The following THAP12 variants were observed in gnomAD, a reference collection of about 807,000 sequenced individuals.
THAP12 encodes THAP domain containing 12.
THAP12 carries 20 observed loss-of-function variants against 63.0 expected under a neutral mutation model. The ratio of observed to expected loss-of-function variants is 0.32; its 90% CI spans 0.22 to 0.46. The LOEUF (loss-of-function observed/expected upper bound fraction) is 0.46, where lower values mean the gene tolerates loss of function less well. THAP12 is among the 20% of genes least tolerant of loss of function. THAP12 has a pLI of 1.00. For missense variants in THAP12, 568 were observed against 908.2 expected (o/e 0.63, Z 4.81); for synonymous variants, 264 against 328.4 (o/e 0.80, Z 2.12).
chr11:76,354,958 A>G (rs959231488), intron 4 of THAP12, among the ~76,000 whole-genome samples: 13 of 152,236 alleles, frequency 8.5e-5, no homozygotes, highest in Non-Finnish European at 1.5e-5. Context: ...GGGAAATAAC[A>G]GTACTTATCT....
At position 76,351,034 on chromosome 11, in the gene THAP12, C is replaced by T; in HGVS notation, c.2116G>A (p.Ala706Thr). ...RYENGRKRLK[A>T]YLRNTLTDQR... ...TCTGTCAAAGTGTTCCTCAAATATG[C>T]TTTAAGACGCTTTCGTCCATTTTCA... The change falls in exon 5 of 5, where the codon GCA (alanine) becomes ACA (threonine). Residue 706 changes from alanine (A) to threonine (T), a missense_variant. Coordinates refer to ENST00000260045, the MANE Select transcript of THAP12 (RefSeq NM_004705.4). The T allele has an allele frequency of 6.2e-7, 1 of 1,611,988 alleles. No individual in the cohort carries two copies. The highest frequency in any genetic ancestry group is 8.5e-7 in the Non-Finnish European group (1 of 1,179,818).
In THAP12 at chr11:76,352,345, C is replaced by T. The variant is rs1325164130; in HGVS notation, c.805G>A (p.Asp269Asn). The change falls in exon 5 of 5, where the codon GAC becomes AAC. Residue 269 changes from aspartate to asparagine, a missense_variant. Asp to Asn is a conservative substitution (Grantham distance 23, BLOSUM62 1). Coordinates refer to ENST00000260045, the MANE Select transcript of THAP12 (RefSeq NM_004705.4). Reference sequence around the variant, plus strand: ...GGTAGGTGCTCTTCCCCTGCTATGTCCACTACATCGTCAGTGATAATGGAA... The same window carrying T: ...GGTAGGTGCTCTTCCCCTGCTATGTTCACTACATCGTCAGTGATAATGGAA... ...FFSIITDDVV[D>N]IAGEEHLPVL... is the part of the protein sequence containing the mutation. The T allele has an allele frequency of 7.4e-6, 12 of 1,611,970 alleles. No homozygotes were observed. Among genetic ancestry groups the T allele is most frequent in the Non-Finnish European group, 1.0e-5 (12 of 1,179,822 alleles).
chr11:76,360,933 A>G, intron 3 of THAP12, 23 bp downstream of exon 3: 1 of 1,488,808 alleles, frequency 6.7e-7, no homozygotes, highest in Non-Finnish European at 9.3e-7. Flanking sequence ...GAAGGTGGGA[A>G]AGCTGAAAGT....
chr11:76,380,341 G>A (rs777116710), intron 1 of THAP12, among the ~76,000 whole-genome samples: 8 of 152,154 alleles, frequency 5.3e-5, no homozygotes, highest in Non-Finnish European at 1.2e-4. Context: ...GCAAGGAGAG[G>A]GAAAGGCCCC....
At position 76,352,508 on chromosome 11, in the gene THAP12, C is replaced by G. The variant is rs1330971386; in HGVS notation, c.642G>C (p.Glu214Asp). ...LLECRINSGE[E>D]VLRKRFETTA... ...TTGTCTCAAACCGCTTTCTCAGAACCTCTTCACCAGAATTTATCCGACACT... is the reference window on the plus strand; with the variant it reads ...TTGTCTCAAACCGCTTTCTCAGAACGTCTTCACCAGAATTTATCCGACACT... The change falls in exon 5 of 5, where the codon GAG becomes GAC. Residue 214 changes from glutamate to aspartate, a missense_variant. Glu to Asp is a conservative substitution (Grantham distance 45). Transcript: ENST00000260045. The G allele has an allele frequency of 1.2e-6, 2 of 1,612,026 alleles. No homozygotes were observed. The highest frequency in any genetic ancestry group is 4.5e-5 in the East Asian group (2 of 44,888).
intron 1 of THAP12, among the ~76,000 whole-genome samples, chr11:76,372,745 G>C (rs1212964245): frequency 6.6e-6 from 1 of 152,166 alleles, no homozygotes; most frequent in Non-Finnish European, 1.5e-5. Flanking sequence ...AATTAGTCAA[G>C]TGTGGTGGCG....
At chr11:76,376,125 T>C (rs1421943848) in intron 1 of THAP12, among the ~76,000 whole-genome samples, 1 of 152,122 alleles carries the variant, frequency 6.6e-6, no homozygotes, top group Non-Finnish European at 1.5e-5. Flanking sequence ...GTTTTGAAAA[T>C]AGTGGAGAAG....
rs1946627465 is a variant in THAP12, at chr11:76,365,861, G to T, written c.201C>A (p.Ile67=). The T allele has an allele frequency of 1.2e-6, 2 of 1,612,466 alleles. No individual in the cohort carries two copies. Among genetic ancestry groups the T allele is most frequent in the Non-Finnish European group, 1.7e-6 (2 of 1,179,378 alleles). ...LCAKHFETSM[I]CRTSPYRTVL... Reference sequence around the variant, plus strand: ...CTCTTCTATTACTCACAGTTCTACAGATCATAGAGGTCTCAAAATGTTTGG... The same window carrying T: ...CTCTTCTATTACTCACAGTTCTACATATCATAGAGGTCTCAAAATGTTTGG... Residue 67 remains isoleucine, a synonymous_variant, in exon 2 of 5, where the codon ATC becomes ATA. Transcript: ENST00000260045.
At chr11:76,355,222 C>T (rs886392201) in intron 4 of THAP12, among the ~76,000 whole-genome samples, 2 of 152,182 alleles carry the variant, frequency 1.3e-5, no homozygotes, top group East Asian at 3.8e-4. Context: ...ACTATGTGCC[C>T]CCACAGCATT....
intron 1 of THAP12, among the ~76,000 whole-genome samples, chr11:76,376,904 G>GT (rs1490456878): frequency 6.6e-6 from 1 of 152,194 alleles, no homozygotes; most frequent in Non-Finnish European, 1.5e-5. Flanking sequence ...AAATAAACCT[G>GT]TAAGAATGTC....
In THAP12 at chr11:76,380,737, C is replaced by T. The variant is rs1946750958; in HGVS notation, c.89+11G>A. 1.4e-6 allele frequency: 2 copies of T among 1,420,542 alleles called. No individual in the cohort carries two copies. Among genetic ancestry groups the T allele is most frequent in the Non-Finnish European group, 1.9e-6 (2 of 1,076,710 alleles). The allele number at this position is 1,420,542 out of a possible 1,614,324, so 88.0% of individuals were successfully genotyped here. On this transcript the variant is annotated intron_variant, in intron 1 of 4. Transcript: ENST00000260045. ...TGGGCCCGGGCCGCCCGCTCTGCGC[C>T]CGCCGCTTACCTGGCAGGGTCCCGC...
At chr11:76,378,953 C>T (rs1352694980) in intron 1 of THAP12, among the ~76,000 whole-genome samples, 2 of 152,148 alleles carry the variant, frequency 1.3e-5, no homozygotes, top group Non-Finnish European at 2.9e-5. Flanking sequence ...CAAACCCAAA[C>T]TTCTAGTATT....
chr11:76,379,913 C>T (rs557334050), intron 1 of THAP12, among the ~76,000 whole-genome samples: 4 of 152,304 alleles, frequency 2.6e-5, no homozygotes, highest in African/African-American at 9.6e-5. Context: ...GTTGCTGCAC[C>T]TGTTCCCTTA....
intron 4 of THAP12, among the ~76,000 whole-genome samples, chr11:76,355,113 T>G (rs755646833): frequency 4.6e-5 from 7 of 152,190 alleles, no homozygotes; most frequent in Admixed American, 1.3e-4. Flanking sequence ...AACTAATAAC[T>G]GACAAGAAGA....
At position 76,350,515 on chromosome 11, in the gene THAP12, C is replaced by G. The variant is rs928517424; in HGVS notation, c.*349G>C. ...AAATGTATTCCTTCCTCCCACACCT[C>G]TTCAAAATATATTTCTTCAAAGAAT... is the stretch of plus-strand genomic sequence containing the variant. On this transcript the variant is annotated 3_prime_UTR_variant, in exon 5 of 5. Coordinates refer to ENST00000260045, the MANE Select transcript of THAP12 (RefSeq NM_004705.4). 6.1e-6 allele frequency: 1 copy of G among 165,234 alleles called. No homozygotes were observed. The highest frequency in any genetic ancestry group is 2.4e-5 in the African/African-American group (1 of 42,054). The allele number at this position is 165,234 out of a possible 1,614,324, so 10.2% of individuals were successfully genotyped here. A position where few individuals can be genotyped will look rare whatever the true frequency, so the allele number is the denominator to read the frequency against.
chr11:76,365,628 C>T (rs1397401826), intron 2 of THAP12, among the ~76,000 whole-genome samples: 3 of 152,212 alleles, frequency 2.0e-5, no homozygotes, highest in African/African-American at 4.8e-5. Flanking sequence ...CTCAAGTGGT[C>T]TTCCTGCCTC....
intron 4 of THAP12, 119 bp from the exon 5 acceptor site, chr11:76,352,913 G>A: frequency 2.5e-6 from 3 of 1,207,940 alleles, no homozygotes; most frequent in South Asian, 3.6e-5. Context: ...ATATTCATAG[G>A]GTATTTACTA....
At chr11:76,358,071 A>T (rs1946572992) in intron 3 of THAP12, 1 of 152,160 alleles carries the variant, frequency 6.6e-6, no homozygotes, top group South Asian at 2.1e-4. Context: ...AAAGAAAACC[A>T]ATAAAGATAG....
intron 3 of THAP12, chr11:76,357,829 T>A (rs886245871): frequency 6.6e-6 from 1 of 152,178 alleles, no homozygotes; most frequent in Non-Finnish European, 1.5e-5. Flanking sequence ...TCTAAAGTTG[T>A]AGGGTATAGC....
Sources: allele counts gnomAD v4.1 joint callset (sites outside exome capture counted in the v4.1 genomes callset), GRCh38; gene constraint gnomAD v4.1.1; transcripts MANE v1.5; gene names NCBI Gene and HGNC (gene_info 2026-07-23, HGNC 2026-07-21).